Variants in NRXN3 observed in about 807,000 individuals in gnomAD.
The protein encoded by NRXN3 is neurexin III.
Under a neutral mutation model 137.6 loss-of-function variants are expected in NRXN3, and 32 were observed. That is an observed-to-expected ratio of 0.23 (90% CI 0.18 to 0.31). The LOEUF (loss-of-function observed/expected upper bound fraction) is 0.31. Ranked by LOEUF, NRXN3 falls within the 10% of genes least tolerant of loss-of-function variation. NRXN3 has a pLI of 1.00. For missense variants in NRXN3, 1,574 were observed against 2,062.5 expected (o/e 0.76, Z 4.59); for synonymous variants, 798 against 784.5 (o/e 1.02, Z -0.29).
intron 19 of NRXN3, among the ~76,000 whole-genome samples, chr14:79,798,214 A>T (rs2099166802): frequency 6.6e-6 from 1 of 152,230 alleles, no homozygotes; most frequent in African/African-American, 2.4e-5. Context: ...ACATTTAAAA[A>T]AAAGGTCAAA....
chr14:78,467,277 A>G (rs1293518376), intron 4 of NRXN3, among the ~76,000 whole-genome samples: 1 of 152,200 alleles, frequency 6.6e-6, no homozygotes, highest in Non-Finnish European at 1.5e-5. Context: ...TCTGTGTTAA[A>G]TTGTTTCTAT....
At chr14:79,777,662 A>G (rs1217861660) in intron 19 of NRXN3, among the ~76,000 whole-genome samples, 1 of 152,034 alleles carries the variant, frequency 6.6e-6, no homozygotes, top group Non-Finnish European at 1.5e-5. Context: ...ATTTATTCAC[A>G]AACACTGGAA....
intron 10 of NRXN3, among the ~76,000 whole-genome samples, chr14:78,926,131 G>T (rs1361395388): frequency 2.6e-5 from 4 of 152,008 alleles, no homozygotes; most frequent in African/African-American, 9.7e-5. Context: ...AGGTACAGTA[G>T]TTCCCACCTA....
chr14:78,219,724 A>G (rs569789052), intron 1 of NRXN3, among the ~76,000 whole-genome samples: 1 of 152,302 alleles, frequency 6.6e-6, no homozygotes, highest in African/African-American at 2.4e-5. Flanking sequence ...ACTCTTTCCT[A>G]TTGGCAGAAA....
chr14:78,709,928 T>G, intron 7 of NRXN3: 1 of 429,702 alleles, frequency 2.3e-6, no homozygotes, highest in Non-Finnish European at 4.2e-6. Flanking sequence ...CAAGTAGCAT[T>G]TCCACTGCTA....
intron 19 of NRXN3, among the ~76,000 whole-genome samples, chr14:79,713,829 T>G (rs1161054224): frequency 6.6e-6 from 1 of 151,888 alleles, no homozygotes; most frequent in East Asian, 2.0e-4. Flanking sequence ...TTTGAATTTT[T>G]TACATCCAGA....
intron 4 of NRXN3, among the ~76,000 whole-genome samples, chr14:78,399,659 A>G (rs555980755): frequency 2.0e-5 from 3 of 152,268 alleles, no homozygotes; most frequent in Admixed American, 2.0e-4. Context: ...TGCCTGGTGA[A>G]TTTGTGGTTA....
At chr14:79,721,395 A>ATATTATATATTT (rs2098843963) in intron 19 of NRXN3, among the ~76,000 whole-genome samples, 1 of 152,088 alleles carries the variant, frequency 6.6e-6, no homozygotes, top group South Asian at 2.1e-4. Flanking sequence ...GTACAATGTT[A>ATATTATATATTT]TTTTCATGCA....
At chr14:78,949,223 C>T (rs552481208) in intron 10 of NRXN3, among the ~76,000 whole-genome samples, 1 of 152,284 alleles carries the variant, frequency 6.6e-6, no homozygotes, top group East Asian at 1.9e-4. Context: ...CTGCCAAGTT[C>T]CTTCTGCTCC....
intron 15 of NRXN3, among the ~76,000 whole-genome samples, chr14:79,053,062 CTCA>C (rs1196535064): frequency 1.3e-5 from 2 of 152,198 alleles, no homozygotes; most frequent in African/African-American, 4.8e-5. Flanking sequence ...TGATTTAAAA[CTCA>C]TCATGTTGCC....
chr14:78,731,408 A>G (rs2098514731), intron 8 of NRXN3, among the ~76,000 whole-genome samples: 3 of 152,118 alleles, frequency 2.0e-5, no homozygotes, highest in Admixed American at 1.3e-4. Flanking sequence ...AATTTGGCAC[A>G]TGGAAGTTTA....
chr14:78,971,718 C>A (rs1247787198), intron 14 of NRXN3, among the ~76,000 whole-genome samples: 1 of 152,088 alleles, frequency 6.6e-6, no homozygotes, highest in Non-Finnish European at 1.5e-5. Flanking sequence ...TCACTGCAAC[C>A]TCCACCTCCC....
chr14:79,259,778 T>C (rs1290759779), intron 15 of NRXN3, among the ~76,000 whole-genome samples: 6 of 151,052 alleles, frequency 4.0e-5, no homozygotes, highest in African/African-American at 1.2e-4. Flanking sequence ...TGTTTCAACT[T>C]TGAGTCATAA....
At chr14:78,985,764 C>A (rs558663329) in intron 14 of NRXN3, among the ~76,000 whole-genome samples, 17 of 152,134 alleles carry the variant, frequency 1.1e-4, no homozygotes, top group Non-Finnish European at 1.9e-4. Context: ...GCCAGGGAGC[C>A]CCTGTGGACT....
intron 11 of NRXN3, among the ~76,000 whole-genome samples, chr14:78,963,511 A>G (rs1274881842): frequency 6.6e-5 from 10 of 152,174 alleles, no homozygotes. Flanking sequence ...CCAATTTGAC[A>G]GTAGATGTTT....
intron 15 of NRXN3, among the ~76,000 whole-genome samples, chr14:79,271,919 T>C (rs924090080): frequency 3.3e-5 from 5 of 152,234 alleles, no homozygotes; most frequent in African/African-American, 1.2e-4. Flanking sequence ...GAGGTAGAGA[T>C]GATTCATAGT....
intron 20 of NRXN3, among the ~76,000 whole-genome samples, chr14:79,847,980 A>T (rs1350719082): frequency 6.6e-6 from 1 of 151,838 alleles, no homozygotes; most frequent in Non-Finnish European, 1.5e-5. Flanking sequence ...TCATTGATGC[A>T]CAGGCTAAAT....
rs545876651 is a variant in NRXN3, at chr14:79,631,541, G to A, written c.3445-32237G>A. Among the ~76,000 whole-genome samples the A allele has an allele frequency of 1.4e-4, 22 of 152,340 alleles. No homozygotes were observed. In the East Asian group the frequency reaches 1.7e-3, roughly 12 times the overall value. On this transcript the variant is annotated intron_variant, in intron 16 of 20. Transcript: ENST00000335750. Reference sequence around the variant, plus strand: ...CCGTGGCCCCGCACTGGGCGCAGCCGGCTGATGCCTGCTGGGCTTGAAAAG... The same window carrying A: ...CCGTGGCCCCGCACTGGGCGCAGCCAGCTGATGCCTGCTGGGCTTGAAAAG...
rs2099318557 is a variant in NRXN3 at position 78,930,516 on chromosome 14, A to AC, written c.2276-26726_2276-26725insC. ...TGTGCTCTCAAGTCTGGTGGGAGAG[A>AC]TAGGCATGTAAACAGATGAATTACA... On this transcript the variant is annotated intron_variant, in intron 10 of 20. Coordinates refer to ENST00000335750, the MANE Select transcript of NRXN3 (RefSeq NM_001330195.2). 4.6e-5 allele frequency among the ~76,000 whole-genome samples: 7 copies of AC among 152,334 alleles called. No individual in the cohort carries two copies. The South Asian group carries it at 1.4e-3, about 32-fold the overall frequency.
Sources: gnomAD v4.1 joint callset for allele counts (sites outside exome capture counted in the v4.1 genomes callset) on GRCh38, gnomAD v4.1.1 for gene constraint, MANE v1.5 for transcripts, NCBI Gene and HGNC (gene_info 2026-07-23, HGNC 2026-07-21) for gene names.